SLC30A7: variants seen among roughly 807,000 people sequenced by gnomAD.
The protein encoded by SLC30A7 is zinc transporter 7.
A neutral mutation model predicts 46.0 loss-of-function variants in SLC30A7; 35 were observed. That is an observed-to-expected ratio of 0.76 (90% confidence interval 0.58 to 1.01). The LOEUF is 1.01. Ranked by LOEUF, SLC30A7 falls within the 50% of genes least tolerant of loss-of-function variation. The pLI is 0.00. For synonymous variants in SLC30A7, 147 were observed against 157.8 expected, an observed-to-expected ratio of 0.93 and a Z score of 0.51; for missense variants, 464 against 451.1, an observed-to-expected ratio of 1.03 and a Z score of -0.26.
At chr1:100,990,406 G>A in the SLC30A7 span, 33 of 1,612,350 alleles carry the variant, frequency 2.0e-5, no homozygotes, top group Admixed American at 2.2e-4. Flanking sequence ...AAATATCTAT[G>A]TTCAAAGTCC....
intron 10 of SLC30A7, among the ~76,000 whole-genome samples, chr1:100,972,941 G>A (rs577828327): frequency 2.6e-5 from 4 of 151,810 alleles, no homozygotes; most frequent in African/African-American, 9.7e-5. Flanking sequence ...TGTAACTCAA[G>A]AACATACAGA....
the SLC30A7 span, among the ~76,000 whole-genome samples, chr1:100,987,267 G>A: frequency 6.6e-6 from 1 of 152,102 alleles, no homozygotes; most frequent in East Asian, 1.9e-4. Context: ...TGAGTTGATA[G>A]CTTTACCAAA....
intron 8 of SLC30A7, among the ~76,000 whole-genome samples, chr1:100,940,122 T>TTA (rs142792130): frequency 1.3e-5 from 2 of 151,772 alleles, no homozygotes; most frequent in African/African-American, 4.8e-5. Context: ...AGAGATGGGT[T>TTA]TATATATATA....
chr1:100,971,013 C>T (rs1656133782), intron 10 of SLC30A7, among the ~76,000 whole-genome samples: 1 of 152,094 alleles, frequency 6.6e-6, no homozygotes, highest in African/African-American at 2.4e-5. Flanking sequence ...CTTTTCTACT[C>T]TTTTGCCTTT....
chr1:100,898,753 G>A (rs1651126445), intron 2 of SLC30A7, among the ~76,000 whole-genome samples: 1 of 152,056 alleles, frequency 6.6e-6, no homozygotes, highest in Non-Finnish European at 1.5e-5. Context: ...TTCTTTATAT[G>A]ACCAGAAGAT....
chr1:100,941,694 T>C, intron 8 of SLC30A7: 2 of 642,850 alleles, frequency 3.1e-6, no homozygotes, highest in African/African-American at 1.8e-5. Context: ...TTGAGACAGC[T>C]CTCTTTGGTT....
At chr1:100,918,416 G>A (rs1051004642) in intron 7 of SLC30A7, among the ~76,000 whole-genome samples, 14 of 152,120 alleles carry the variant, frequency 9.2e-5, no homozygotes, top group African/African-American at 2.9e-4. Context: ...GCTTGCTTGC[G>A]CCCAAGAGTT....
At chr1:100,938,297 T>C (rs1433219831) in intron 8 of SLC30A7, among the ~76,000 whole-genome samples, 1 of 152,238 alleles carries the variant, frequency 6.6e-6, no homozygotes, top group African/African-American at 2.4e-5. Flanking sequence ...AGCTAATGTC[T>C]ACCTTTTGAA....
At chr1:100,986,955 A>G in the SLC30A7 span, among the ~76,000 whole-genome samples, 14 of 152,214 alleles carry the variant, frequency 9.2e-5, no homozygotes, top group African/African-American at 3.4e-4. Context: ...TTTAACTAAC[A>G]TTGGATTTCA....
chr1:100,922,459 A>G (rs1653009734), intron 8 of SLC30A7, among the ~76,000 whole-genome samples: 2 of 152,244 alleles, frequency 1.3e-5, no homozygotes, highest in African/African-American at 4.8e-5. Context: ...TAGTTAGTGT[A>G]TTAATCCTTT....
chr1:100,986,496 A>G (rs1388842249), downstream of SLC30A7, among the ~76,000 whole-genome samples: 5 of 152,178 alleles, frequency 3.3e-5, no homozygotes, highest in Admixed American at 3.3e-4. Flanking sequence ...ATACAGAGCA[A>G]TGGGAACCCA....
chr1:100,909,104 TG>T (rs1307883053), intron 3 of SLC30A7, among the ~76,000 whole-genome samples: 1 of 151,842 alleles, frequency 6.6e-6, no homozygotes, highest in African/African-American at 2.4e-5. Flanking sequence ...GAATAAAAGC[TG>T]GTACAATATT....
chr1:100,970,591 C>G (rs1390192857), intron 10 of SLC30A7, among the ~76,000 whole-genome samples: 2 of 150,590 alleles, frequency 1.3e-5, no homozygotes, highest in African/African-American at 2.4e-5. Flanking sequence ...TCTTCTCCCT[C>G]TTTTTCCCCT....
intron 8 of SLC30A7, among the ~76,000 whole-genome samples, chr1:100,923,087 C>T (rs1653056219): frequency 1.1e-5 from 1 of 92,050 alleles, no homozygotes; most frequent in African/African-American, 4.3e-5. Context: ...GCAATCTCGG[C>T]TCACTGCAGG....
chr1:100,991,504 T>C, the SLC30A7 span, among the ~76,000 whole-genome samples: 1 of 152,082 alleles, frequency 6.6e-6, no homozygotes, highest in African/African-American at 2.4e-5. Flanking sequence ...CAAGAATCTC[T>C]TGACTGGGTG....
the SLC30A7 span, chr1:100,995,394 A>C: frequency 2.6e-6 from 1 of 386,488 alleles, no homozygotes; most frequent in East Asian, 4.8e-5. Flanking sequence ...TTGGAAAAGA[A>C]GACAAGGGAA....
chr1:100,918,564 C>T (rs1035866274), intron 7 of SLC30A7, among the ~76,000 whole-genome samples: 8 of 152,200 alleles, frequency 5.3e-5, no homozygotes, highest in Middle Eastern at 3.4e-3. Context: ...GGGTTGTGTC[C>T]TAATAAACCC....
intron 10 of SLC30A7, among the ~76,000 whole-genome samples, chr1:100,973,460 A>G: frequency 6.6e-6 from 1 of 152,168 alleles, no homozygotes; most frequent in East Asian, 1.9e-4. Context: ...ACAAATACTT[A>G]TTGATCACTT....
chr1:100,993,559 A>AATATATATATATATATATATATATATAT, the SLC30A7 span, among the ~76,000 whole-genome samples: 11 of 56,534 alleles, frequency 1.9e-4, 2 homozygotes, highest in Non-Finnish European at 3.4e-4. Flanking sequence ...CGAAAATATA[A>AATATATATATATATATATATATATATAT]ATATATATAT....
Sources: gnomAD v4.1 joint callset for allele counts (sites outside exome capture counted in the v4.1 genomes callset) on GRCh38, gnomAD v4.1.1 for gene constraint, MANE v1.5 for transcripts, NCBI Gene and HGNC (gene_info 2026-07-23, HGNC 2026-07-21) for gene names.